EPHB3: variants seen among roughly 807,000 people sequenced by gnomAD.
EPHB3 encodes EPH receptor B3.
Under a neutral mutation model 100.2 loss-of-function variants are expected in EPHB3, and 33 were observed. That is an observed-to-expected ratio of 0.33 (90% CI 0.25 to 0.44). The LOEUF is 0.44. EPHB3 is among the 20% of genes least tolerant of loss of function. The pLI, the probability that EPHB3 is intolerant of heterozygous loss-of-function variation, is 1.00. For missense variants in EPHB3, 1,045 were observed against 1,378.3 expected, an observed-to-expected ratio of 0.76 and a Z score of 3.83; for synonymous variants, 526 against 554.7, an observed-to-expected ratio of 0.95 and a Z score of 0.73.
rs796165461 is a variant in EPHB3, at chr3:184,566,086, G to C, written c.118+3733G>C. ...GCTGGGCACCTGATGGGGTGGGAGA[G>C]GCCCCCTGCCCAAGGGCTAGCCCTG... On this transcript the variant is annotated intron_variant, in intron 1 of 15. Coordinates refer to ENST00000330394, the MANE Select transcript of EPHB3 (RefSeq NM_004443.4). Among the ~76,000 whole-genome samples, 29 of 152,310 alleles carry C rather than the reference G, an allele frequency of 1.9e-4. 1 individual carries two copies. Among genetic ancestry groups the C allele is most frequent in the African/African-American group, 6.3e-4 (26 of 41,578 alleles).
chr3:184,575,000 G>A (rs1427781636), intron 3 of EPHB3, among the ~76,000 whole-genome samples: 1 of 152,246 alleles, frequency 6.6e-6, no homozygotes, highest in Non-Finnish European at 1.5e-5. Flanking sequence ...CCACTTTAGT[G>A]TCTAGGAGGG....
intron 3 of EPHB3, chr3:184,575,336 G>A (rs556409172): frequency 1.0e-5 from 7 of 677,312 alleles, no homozygotes; most frequent in African/African-American, 7.8e-5. Context: ...TGCTGCCTGC[G>A]CCTGGTGGGT....
At chr3:184,568,955 C>T (rs1714466682) in intron 1 of EPHB3, among the ~76,000 whole-genome samples, 1 of 150,980 alleles carries the variant, frequency 6.6e-6, no homozygotes, top group African/African-American at 2.4e-5. Context: ...CTCGCTCCCT[C>T]CCTCCTTCCC....
In EPHB3 at chr3:184,561,985, C is replaced by T. The variant is rs1161690700; in HGVS notation, c.-251C>T. On this transcript the variant is annotated 5_prime_UTR_variant, in exon 1 of 16. Coordinates refer to ENST00000330394, the MANE Select transcript of EPHB3 (RefSeq NM_004443.4). ...ACCCAGCTCCCCGGCGCCCCGGATC[C>T]TCCTGGACCGGTCCGTCCAGATTCC... 1 of 160,864 alleles carries T rather than the reference C, an allele frequency of 6.2e-6. No individual in the cohort carries two copies. The highest frequency in any genetic ancestry group is 2.4e-5 in the African/African-American group (1 of 41,582). The allele number at this position is 160,864 out of a possible 1,614,324, so 10.0% of individuals were successfully genotyped here.
Position 184,578,585 on chromosome 3 carries a change from C to T in EPHB3, c.1801+119C>T. 7.5e-7 allele frequency: 1 copy of T among 1,331,972 alleles called. No individual in the cohort carries two copies. Among genetic ancestry groups the T allele is most frequent in the Non-Finnish European group, 1.0e-6 (1 of 955,534 alleles). 82.5% of individuals were successfully genotyped at this position (1,331,972 alleles called of 1,614,324 possible). ...GATAAACCCTGAATGCCCCCTCCCA[C>T]TTCCAGTCAAGTGGCATTTCCTGAC... On this transcript the variant is annotated intron_variant, in intron 9 of 15. Transcript: ENST00000330394. The surrounding 1 kb of genome is among the most constrained non-coding windows in gnomAD (Gnocchi z 4.7).
chr3:184,581,548 C>T lies in EPHB3; in HGVS notation c.2923C>T (p.His975Tyr), dbSNP rs1231049158. ...CCGTATTGGGGTCACCCTGGCCGGCCACCAGAAGAAGATCCTGAGCAGTAT... is the reference window on the plus strand; with the variant it reads ...CCGTATTGGGGTCACCCTGGCCGGCTACCAGAAGAAGATCCTGAGCAGTAT... ...LLRIGVTLAG[H>Y]QKKILSSIQD... Residue 975 changes from histidine (H) to tyrosine (Y), a missense_variant, in exon 16 of 16, where the codon CAC becomes TAC. Around this residue, in one of 2 missense-constraint regions of EPHB3, gnomAD observed 985 missense variants for 1,331.1 expected, o/e 0.74. Coordinates refer to ENST00000330394, the MANE Select transcript of EPHB3 (RefSeq NM_004443.4). 6.2e-7 allele frequency: 1 copy of T among 1,613,928 alleles called. No homozygotes were observed. The highest frequency in any genetic ancestry group is 8.5e-7 in the Non-Finnish European group (1 of 1,179,956).
chr3:184,580,001 A>C (rs1714780594), intron 11 of EPHB3, 67 bp downstream of exon 11: 10 of 1,562,060 alleles, frequency 6.4e-6, no homozygotes, highest in Non-Finnish European at 8.6e-6. Context: ...ATCCCCTCCC[A>C]CAAGTCAGAC....
At chr3:184,581,186 T>G (rs897038001) in intron 14 of EPHB3, 21 bp downstream of exon 14, 1 of 1,608,378 alleles carries the variant, frequency 6.2e-7, no homozygotes, top group Non-Finnish European at 8.5e-7. Context: ...CTGCCTCTGC[T>G]CCCGCCAAGC....
chr3:184,561,869 C>G lies in EPHB3; in HGVS notation c.-367C>G, dbSNP rs2108432258. 1 of 153,040 alleles carries G rather than the reference C, an allele frequency of 6.5e-6. No homozygotes were observed. Among genetic ancestry groups the G allele is most frequent in the Non-Finnish European group, 1.5e-5 (1 of 68,652 alleles). 9.5% of individuals were successfully genotyped at this position (153,040 alleles called of 1,614,324 possible). A position where few individuals can be genotyped will look rare whatever the true frequency, so the allele number is the denominator to read the frequency against. ...CGCCCCCGAAGCCCCGGATCCCAGTCGGGCCCGCAGCTGACCGCCAGATTA... is the reference window on the plus strand; with the variant it reads ...CGCCCCCGAAGCCCCGGATCCCAGTGGGGCCCGCAGCTGACCGCCAGATTA... On this transcript the variant is annotated 5_prime_UTR_variant, in exon 1 of 16. Transcript: ENST00000330394.
rs375352858 is a variant in EPHB3, at chr3:184,577,914, G to T, written c.1656G>T (p.Gln552His). 2.5e-5 allele frequency: 40 copies of T among 1,613,768 alleles called. No homozygotes were observed. Among genetic ancestry groups the T allele is most frequent in the African/African-American group, 4.0e-5 (3 of 74,904 alleles). Residue 552 changes from glutamine to histidine, a missense_variant, in exon 8 of 16, where the codon CAG becomes CAT. Physicochemically the swap from Gln to His is conservative, Grantham distance 24. Transcript: ENST00000330394. The surrounding 1 kb of genome is among the most constrained non-coding windows in gnomAD (Gnocchi z 4.9). ...TTSERGSGAQ[Q>H]LQEQLPLIVG... Reference sequence around the variant, plus strand: ...TATCTCCAGGCTCTGGGGCCCAGCAGCTCCAGGAGCAGCTTCCCCTCATCG... The same window carrying T: ...TATCTCCAGGCTCTGGGGCCCAGCATCTCCAGGAGCAGCTTCCCCTCATCG...
intron 1 of EPHB3, among the ~76,000 whole-genome samples, chr3:184,570,825 A>G (rs1039249816): frequency 6.6e-6 from 1 of 152,052 alleles, no homozygotes; most frequent in African/African-American, 2.4e-5. Context: ...CCGACCTGAC[A>G]TCTTTGGGGC....
chr3:184,580,866 G>A lies in EPHB3; in HGVS notation c.2526G>A (p.Met842Ile). 1.9e-6 allele frequency: 3 copies of A among 1,613,976 alleles called. No homozygotes were observed. The highest frequency in any genetic ancestry group is 2.5e-6 in the Non-Finnish European group (3 of 1,179,842). ...MSYGERPYWD[M>I]SNQDVINAVE... is the part of the protein sequence containing the mutation. The stretch of plus-strand genomic sequence containing the variant: ...ATGGAGAGCGACCCTACTGGGACAT[G>A]AGCAACCAGGATGTGAGTGAGGCTA... The change falls in exon 13 of 16, where the codon ATG (methionine) becomes ATA (isoleucine). Residue 842 changes from methionine to isoleucine, a missense_variant. Around this residue, in one of 2 missense-constraint regions of EPHB3, gnomAD observed 985 missense variants for 1,331.1 expected, o/e 0.74. Transcript: ENST00000330394.
intron 3 of EPHB3, among the ~76,000 whole-genome samples, chr3:184,574,448 G>A (rs1329883056): frequency 6.6e-6 from 1 of 152,234 alleles, no homozygotes; most frequent in African/African-American, 2.4e-5. Flanking sequence ...AGGGAATGTG[G>A]AAGCTGGCAC....
rs1714292961 is a variant in EPHB3 at position 184,562,856 on chromosome 3, G to A, written c.118+503G>A. 6.6e-6 allele frequency among the ~76,000 whole-genome samples: 1 copy of A among 152,210 alleles called. No homozygotes were observed. Among genetic ancestry groups the A allele is most frequent in the African/African-American group, 2.4e-5 (1 of 41,460 alleles). On this transcript the variant is annotated intron_variant, in intron 1 of 15. Transcript: ENST00000330394. The surrounding 1 kb of genome is among the most constrained non-coding windows in gnomAD (Gnocchi z 4.8). Reference sequence around the variant, plus strand: ...TTTGTCAGGGGACCGCTGCGGGGGCGGACAGGCGGGGGCCTGTTATTGTTT... The same window carrying A: ...TTTGTCAGGGGACCGCTGCGGGGGCAGACAGGCGGGGGCCTGTTATTGTTT...
At position 184,572,939 on chromosome 3, in the gene EPHB3, G is replaced by A. The variant is rs758025687; in HGVS notation, c.619G>A (p.Ala207Thr). Residue 207 changes from alanine to threonine, a missense_variant, in exon 3 of 16, where the codon GCC (alanine) becomes ACC (threonine). Around this residue, in one of 2 missense-constraint regions of EPHB3, gnomAD observed 985 missense variants for 1,331.1 expected, o/e 0.74. Coordinates refer to ENST00000330394, the MANE Select transcript of EPHB3 (RefSeq NM_004443.4). The surrounding 1 kb of genome is among the most constrained non-coding windows in gnomAD (Gnocchi z 6.6). ...CTGCATGTCGCTCATCTCCGTGCGC[G>A]CCTTCTACAAGAAGTGTGCATCCAC... ...GACMSLISVR[A>T]FYKKCASTTA... 12 of 1,576,356 alleles carry A rather than the reference G, an allele frequency of 7.6e-6. No homozygotes were observed. In the East Asian group the frequency reaches 1.6e-4, roughly 21 times the overall value.
At chr3:184,570,595 C>G (rs865944299) in intron 1 of EPHB3, among the ~76,000 whole-genome samples, 69 of 152,246 alleles carry the variant, frequency 4.5e-4, no homozygotes, top group African/African-American at 1.6e-3. Context: ...TCACTGCCCT[C>G]CCCTTCCCCT....
In EPHB3 at chr3:184,577,411, C is replaced by A. The variant is rs1714705926; in HGVS notation, c.1423C>A (p.Pro475Thr). 2.5e-6 allele frequency: 4 copies of A among 1,614,028 alleles called. No individual in the cohort carries two copies. The highest frequency in any genetic ancestry group is 2.2e-5 in the East Asian group (1 of 44,868). The change falls in exon 6 of 16, where the codon CCC (proline) becomes ACC (threonine). Residue 475 changes from proline to threonine, a missense_variant. By Grantham distance (38) the Pro-to-Thr change is conservative. Around this residue, in one of 2 missense-constraint regions of EPHB3, gnomAD observed 985 missense variants for 1,331.1 expected, o/e 0.74. Transcript: ENST00000330394. The surrounding 1 kb of genome is among the most constrained non-coding windows in gnomAD (Gnocchi z 4.9). The stretch of plus-strand genomic sequence containing the variant: ...CAGCAGCCTCACCCTATCCTGGGCA[C>A]CCCCAGAGCGGCCCAACGGAGTCAT... ...SGSSLTLSWA[P>T]PERPNGVILD...
In EPHB3 at chr3:184,573,347, G is replaced by T. The variant is rs545630817; in HGVS notation, c.856+171G>T. 6.6e-6 allele frequency among the ~76,000 whole-genome samples: 1 copy of T among 152,230 alleles called. No individual in the cohort carries two copies. Among genetic ancestry groups the T allele is most frequent in the South Asian group, 2.1e-4 (1 of 4,822 alleles). On this transcript the variant is annotated intron_variant, in intron 3 of 15. Transcript: ENST00000330394. The surrounding 1 kb of genome is among the most constrained non-coding windows in gnomAD (Gnocchi z 4.5). ...ATCAGATGCAGAGAATGTTGTGTAA[G>T]GAGGGAGAAGAGAGAGAAAATGAGG...
At chr3:184,564,176 C>T (rs1348265652) in intron 1 of EPHB3, among the ~76,000 whole-genome samples, 2 of 152,230 alleles carry the variant, frequency 1.3e-5, no homozygotes, top group African/African-American at 2.4e-5. Flanking sequence ...CAGGACCTTT[C>T]GTTCCCCATT....
Sources: allele counts gnomAD v4.1 joint callset (sites outside exome capture counted in the v4.1 genomes callset), GRCh38; gene constraint gnomAD v4.1.1; regional missense constraint gnomAD v4.1.1; non-coding constraint Gnocchi (gnomAD v3.1); transcripts MANE v1.5; gene names NCBI Gene and HGNC (gene_info 2026-07-23, HGNC 2026-07-21).